Variants in ELF2 observed in about 807,000 individuals in gnomAD.
ELF2 encodes ETS-related transcription factor Elf-2.
A neutral mutation model predicts 54.8 loss-of-function variants in ELF2; 11 were observed. The observed-to-expected ratio is 0.20, with a 90% CI of 0.13 to 0.33. The LOEUF is 0.33. Ranked by LOEUF, ELF2 falls within the 10% of genes least tolerant of loss-of-function variation. ELF2 has a pLI of 1.00. For missense variants in ELF2, 513 were observed against 703.0 expected (o/e 0.73, Z 3.06); for synonymous variants, 203 against 245.1 (o/e 0.83, Z 1.61).
chr4:139,113,130 G>A (rs1047505308), intron 4 of ELF2, among the ~76,000 whole-genome samples: 1 of 152,158 alleles, frequency 6.6e-6, no homozygotes. Context: ...GGCCAAGGTG[G>A]GAGAATTGCT....
chr4:139,080,219 G>C (rs901043024), intron 4 of ELF2, among the ~76,000 whole-genome samples: 1 of 152,156 alleles, frequency 6.6e-6, no homozygotes, highest in African/African-American at 2.4e-5. Context: ...ATGTAACTCA[G>C]TTTTTACATG....
At chr4:139,112,672 A>G (rs1735071338) in intron 4 of ELF2, among the ~76,000 whole-genome samples, 1 of 152,166 alleles carries the variant, frequency 6.6e-6, no homozygotes, top group South Asian at 2.1e-4. Context: ...ATAAAACTGT[A>G]TTATTTAGAT....
In ELF2 at chr4:139,115,398, C is replaced by G. The variant is rs1245103738; in HGVS notation, c.238+9766G>C. 65 of 1,005,062 alleles carry G rather than the reference C, an allele frequency of 6.5e-5. No individual in the cohort carries two copies. In the East Asian group the frequency reaches 5.3e-3, roughly 82 times the overall value. 62.3% of individuals were successfully genotyped at this position (1,005,062 alleles called of 1,614,324 possible). On this transcript the variant is annotated intron_variant, in intron 4 of 9. Transcript: ENST00000686138. ...ATGGCGGCCGCCGGGGCCACGTGCG[C>G]GCATCGGGCCCCTCCCTGCGCCACC...
At position 139,058,938 on chromosome 4, in the gene ELF2, C is replaced by G; in HGVS notation, c.*45G>C. 6.5e-7 allele frequency: 1 copy of G among 1,540,506 alleles called. No individual in the cohort carries two copies. Among genetic ancestry groups the G allele is most frequent in the South Asian group, 1.3e-5 (1 of 77,494 alleles). On this transcript the variant is annotated 3_prime_UTR_variant, in exon 10 of 10. Transcript: ENST00000686138. ...TGACTTCCCTTGCAAATGTTTATGT[C>G]AGTACTGCCACTAACAGCCTGAAGT...
At chr4:139,092,966 T>A (rs1732835345) in intron 4 of ELF2, among the ~76,000 whole-genome samples, 1 of 129,236 alleles carries the variant, frequency 7.7e-6, no homozygotes, top group East Asian at 2.2e-4. Flanking sequence ...TAGTAAATAA[T>A]TTTTTTTTTT....
chr4:139,151,029 AAAAAAAGAAAGAAAG>A (rs1271855898), intron 1 of ELF2, among the ~76,000 whole-genome samples: 18 of 127,982 alleles, frequency 1.4e-4, no homozygotes, highest in African/African-American at 5.8e-4. Flanking sequence ...ATCTCAAAAA[AAAAAAAGAAAGAAAG>A]AAAGAAAGAA....
At chr4:139,101,630 T>C (rs902613868) in intron 4 of ELF2, 11 of 152,240 alleles carry the variant, frequency 7.2e-5, no homozygotes, top group Non-Finnish European at 1.5e-4. Flanking sequence ...CTTACAATAG[T>C]GGTCTCTGAC....
At chr4:139,083,040 T>A (rs1731355319) in intron 4 of ELF2, among the ~76,000 whole-genome samples, 1 of 152,204 alleles carries the variant, frequency 6.6e-6, no homozygotes, top group Non-Finnish European at 1.5e-5. Flanking sequence ...CAATCTTCAT[T>A]GGCCCAGCGC....
intron 1 of ELF2, among the ~76,000 whole-genome samples, chr4:139,176,664 G>A (rs551979837): frequency 3.5e-4 from 53 of 152,198 alleles, no homozygotes; most frequent in Middle Eastern, 3.4e-3. Context: ...GCCGGGGTCT[G>A]TAACCTCTTC....
intron 4 of ELF2, among the ~76,000 whole-genome samples, chr4:139,102,723 C>T (rs1043773172): frequency 2.6e-5 from 4 of 151,474 alleles, no homozygotes; most frequent in African/African-American, 9.7e-5. Flanking sequence ...CACCTGTAAT[C>T]CCAGCTACTC....
At chr4:139,084,250 A>G in intron 4 of ELF2, 4 of 1,608,728 alleles carry the variant, frequency 2.5e-6, no homozygotes, top group Non-Finnish European at 3.4e-6. Flanking sequence ...CAGCGGCGGC[A>G]GGGGAGGAGG....
At chr4:139,167,486 A>C (rs1741837761) in intron 1 of ELF2, among the ~76,000 whole-genome samples, 1 of 152,208 alleles carries the variant, frequency 6.6e-6, no homozygotes, top group Non-Finnish European at 1.5e-5. Context: ...CTATTTTATA[A>C]ACAAATTTGT....
chr4:139,063,706 A>G (rs1398748585), intron 7 of ELF2, among the ~76,000 whole-genome samples: 1 of 152,220 alleles, frequency 6.6e-6, no homozygotes, highest in Non-Finnish European at 1.5e-5. Context: ...TCTATCACAA[A>G]GCAATGCATA....
rs1560848659 is a variant in ELF2, at chr4:139,132,875, A to AT, written c.72+4754_72+4755insA. ...ATATATATATATATATATATATATA[A>AT]AATATGTAATTTTTTTTTTTGGTGG... is the stretch of plus-strand genomic sequence containing the variant. On this transcript the variant is annotated intron_variant, in intron 3 of 9. Coordinates refer to ENST00000686138, the MANE Select transcript of ELF2 (RefSeq NM_001331036.3). 3.2e-5 allele frequency among the ~76,000 whole-genome samples: 4 copies of AT among 123,684 alleles called. No homozygotes were observed. The East Asian group carries it at 9.4e-4, about 29-fold the overall frequency. 81.1% of individuals were successfully genotyped at this position (123,684 alleles called of 152,430 possible).
At chr4:139,083,968 G>A (rs1228741377) in intron 4 of ELF2, among the ~76,000 whole-genome samples, 1 of 152,128 alleles carries the variant, frequency 6.6e-6, no homozygotes, top group Non-Finnish European at 1.5e-5. Context: ...CTGATTCGTC[G>A]CCTCCATTAC....
intron 4 of ELF2, among the ~76,000 whole-genome samples, chr4:139,079,295 T>A (rs1037697769): frequency 1.3e-5 from 2 of 152,160 alleles, no homozygotes. Context: ...GCAAATCTTA[T>A]TATACTTGAT....
chr4:139,136,170 G>A (rs1738132884), intron 3 of ELF2, among the ~76,000 whole-genome samples: 2 of 152,126 alleles, frequency 1.3e-5, no homozygotes, highest in Non-Finnish European at 2.9e-5. Context: ...GTCATTCCTG[G>A]AGGTGATCAT....
At chr4:139,170,799 G>A (rs957954265) in intron 1 of ELF2, among the ~76,000 whole-genome samples, 37 of 151,130 alleles carry the variant, frequency 2.4e-4, no homozygotes, top group African/African-American at 8.7e-4. Flanking sequence ...AGGCTGCAGT[G>A]CAGTGTTGCA....
At position 139,058,650 on chromosome 4, in the gene ELF2, AAACT is replaced by A. The variant is rs1727359747; in HGVS notation, c.*329_*332del. Reference sequence around the variant, plus strand: ...TACCCATCCCAACCCCTCCCACTGAAAACTATATAACCTCTTACAGAATGTTAGT... The same window carrying A: ...TACCCATCCCAACCCCTCCCACTGAAATATAACCTCTTACAGAATGTTAGT... On this transcript the variant is annotated 3_prime_UTR_variant, in exon 10 of 10. Transcript: ENST00000686138. 1 of 214,060 alleles carries A rather than the reference AAACT, an allele frequency of 4.7e-6. No individual in the cohort carries two copies. Among genetic ancestry groups the A allele is most frequent in the Non-Finnish European group, 9.2e-6 (1 of 108,180 alleles). The allele number at this position is 214,060 out of a possible 1,614,324, so 13.3% of individuals were successfully genotyped here.
Sources: gnomAD v4.1 joint callset for allele counts (sites outside exome capture counted in the v4.1 genomes callset) on GRCh38, gnomAD v4.1.1 for gene constraint, MANE v1.5 for transcripts, NCBI Gene and HGNC (gene_info 2026-07-23, HGNC 2026-07-21) for gene names.